Variants in ATXN7L1 observed in about 807,000 individuals in gnomAD.
ATXN7L1 encodes ataxin-7-like protein 1.
ATXN7L1 carries 15 observed loss-of-function variants against 70.8 expected under a neutral mutation model. That is an observed-to-expected ratio of 0.21 (90% CI 0.14 to 0.33). The LOEUF (loss-of-function observed/expected upper bound fraction) is 0.33, where lower values mean the gene tolerates loss of function less well. Ranked by LOEUF, ATXN7L1 falls within the 10% of genes least tolerant of loss-of-function variation. The pLI is 1.00. For synonymous variants in ATXN7L1, 440 were observed against 445.1 expected (o/e 0.99, Z 0.14); for missense variants, 975 against 1,097.1 (o/e 0.89, Z 1.57).
At position 105,831,759 on chromosome 7, in the gene ATXN7L1, G is replaced by A. The variant is rs12671485; in HGVS notation, c.251-43051C>T. ...ACTTAGCTGAACACAGTTAGTGGGT[G>A]GGGTGAAGTGGGGGGCATTGACATG... On this transcript the variant is annotated intron_variant, in intron 2 of 11. Coordinates refer to ENST00000419735, the MANE Select transcript of ATXN7L1 (RefSeq NM_020725.2). Among the ~76,000 whole-genome samples, 1,699 of 152,266 alleles carry A rather than the reference G, an allele frequency of 0.011. 71 individuals carry two copies. The East Asian group carries it at 0.13, about 12-fold the overall frequency.
rs1819318545 is a variant in ATXN7L1, at chr7:105,876,430, C to G, written c.129G>C (p.Leu43=). The G allele has an allele frequency of 1.2e-6, 2 of 1,613,206 alleles. No homozygotes were observed. Among genetic ancestry groups the G allele is most frequent in the East Asian group, 4.5e-5 (2 of 44,806 alleles). The change falls in exon 1 of 12, where the codon CTG becomes CTC. Residue 43 remains leucine, a synonymous_variant. Coordinates refer to ENST00000419735, the MANE Select transcript of ATXN7L1 (RefSeq NM_020725.2). ...DRKVPSPEAF[L]GKPWSSWIDA... ...CGATCCAGGAGGACCAGGGTTTGCC[C>G]AGAAACGCCTCCGGACTGGGCACTT...
intron 3 of ATXN7L1, among the ~76,000 whole-genome samples, chr7:105,683,503 A>C (rs1273490216): frequency 6.6e-6 from 1 of 152,038 alleles, no homozygotes; most frequent in Non-Finnish European, 1.5e-5. Flanking sequence ...ACATGGTGAA[A>C]CCTTGTCTCT....
intron 3 of ATXN7L1, among the ~76,000 whole-genome samples, chr7:105,731,840 T>C (rs1197796531): frequency 2.9e-5 from 4 of 137,392 alleles, no homozygotes; most frequent in Non-Finnish European, 4.7e-5. Flanking sequence ...GGCCTGTAAT[T>C]CCAGCATTTT....
At chr7:105,719,223 C>T (rs981740329) in intron 3 of ATXN7L1, among the ~76,000 whole-genome samples, 4 of 152,098 alleles carry the variant, frequency 2.6e-5, no homozygotes, top group African/African-American at 7.2e-5. Flanking sequence ...GCCCATCCCC[C>T]TTCTTCTCTT....
intron 2 of ATXN7L1, among the ~76,000 whole-genome samples, chr7:105,790,378 G>C (rs1804959660): frequency 6.6e-6 from 1 of 152,080 alleles, no homozygotes; most frequent in Non-Finnish European, 1.5e-5. Flanking sequence ...GGATGATCAA[G>C]ACCAGCCTGG....
At chr7:105,640,979 G>T (rs1025207968) in intron 5 of ATXN7L1, among the ~76,000 whole-genome samples, 1 of 152,194 alleles carries the variant, frequency 6.6e-6, no homozygotes, top group Non-Finnish European at 1.5e-5. Flanking sequence ...CTGGAAAACT[G>T]TCTGAAATTG....
intron 3 of ATXN7L1, among the ~76,000 whole-genome samples, chr7:105,758,846 A>G (rs1421845361): frequency 6.6e-6 from 1 of 152,164 alleles, no homozygotes; most frequent in Non-Finnish European, 1.5e-5. Context: ...TGCTGATGAC[A>G]CTCAACATCT....
intron 3 of ATXN7L1, among the ~76,000 whole-genome samples, chr7:105,770,236 A>T (rs1284193601): frequency 6.6e-6 from 1 of 152,260 alleles, no homozygotes; most frequent in East Asian, 1.9e-4. Context: ...CTCTGCCAAG[A>T]GCAATAGCTA....
chr7:105,618,595 G>C (rs1794274707), intron 9 of ATXN7L1, among the ~76,000 whole-genome samples: 1 of 152,094 alleles, frequency 6.6e-6, no homozygotes, highest in African/African-American at 2.4e-5. Flanking sequence ...CTGGAAGAGG[G>C]GCAAATTTTG....
chr7:105,751,126 C>T (rs59101087), intron 3 of ATXN7L1, among the ~76,000 whole-genome samples: 1 of 152,102 alleles, frequency 6.6e-6, no homozygotes, highest in African/African-American at 2.4e-5. Context: ...GGAAGGGTGT[C>T]TAAGGAATCA....
chr7:105,779,013 A>T (rs895504014), intron 3 of ATXN7L1, among the ~76,000 whole-genome samples: 3 of 152,200 alleles, frequency 2.0e-5, no homozygotes, highest in African/African-American at 7.2e-5. Context: ...AGCACCTGTT[A>T]TTTACTTTTC....
intron 10 of ATXN7L1, chr7:105,613,481 C>T: frequency 9.0e-7 from 1 of 1,106,794 alleles, no homozygotes. Context: ...CTCTTAGCAA[C>T]AGAACTCTTT....
chr7:105,721,614 C>T (rs1795195831), intron 3 of ATXN7L1, among the ~76,000 whole-genome samples: 1 of 152,252 alleles, frequency 6.6e-6, no homozygotes, highest in Non-Finnish European at 1.5e-5. Flanking sequence ...ACGAGGCTTG[C>T]ACTAACTTGG....
At chr7:105,761,175 C>T (rs1800483708) in intron 3 of ATXN7L1, 2 of 1,300,050 alleles carry the variant, frequency 1.5e-6, no homozygotes, top group Non-Finnish European at 2.0e-6. Flanking sequence ...AGAGAAGAAC[C>T]CCACAGGTAC....
chr7:105,839,669 C>G (rs1404949949), intron 2 of ATXN7L1, among the ~76,000 whole-genome samples: 1 of 152,160 alleles, frequency 6.6e-6, no homozygotes, highest in African/African-American at 2.4e-5. Context: ...TTAGGTCCAG[C>G]CTCATATGCA....
chr7:105,722,863 C>T (rs551867728), intron 3 of ATXN7L1, among the ~76,000 whole-genome samples: 15 of 151,818 alleles, frequency 9.9e-5, no homozygotes, highest in Non-Finnish European at 1.6e-4. Context: ...CCAGCCTGGG[C>T]GACAGGGTGA....
intron 8 of ATXN7L1, among the ~76,000 whole-genome samples, chr7:105,621,504 T>TA (rs2115794052): frequency 6.6e-6 from 1 of 152,322 alleles, no homozygotes; most frequent in South Asian, 2.1e-4. Context: ...GGCTAACAAA[T>TA]AGATGGGGGA....
chr7:105,791,951 G>C (rs1451154276), intron 2 of ATXN7L1, among the ~76,000 whole-genome samples: 3 of 152,216 alleles, frequency 2.0e-5, no homozygotes, highest in Non-Finnish European at 2.9e-5. Context: ...AGTGCTGGGA[G>C]GCTGAGACCA....
intron 7 of ATXN7L1, among the ~76,000 whole-genome samples, chr7:105,626,712 C>A (rs1266851969): frequency 6.6e-6 from 1 of 152,152 alleles, no homozygotes; most frequent in East Asian, 1.9e-4. Context: ...TGTCTGCTTA[C>A]CGCTGAAGAC....
Sources: allele counts gnomAD v4.1 joint callset (sites outside exome capture counted in the v4.1 genomes callset), GRCh38; gene constraint gnomAD v4.1.1; transcripts MANE v1.5; gene names NCBI Gene and HGNC (gene_info 2026-07-23, HGNC 2026-07-21).